RELCH: variants seen among roughly 807,000 people sequenced by gnomAD.
The protein encoded by RELCH is RAB11-binding protein RELCH.
A neutral mutation model predicts 150.3 loss-of-function variants in RELCH; 41 were observed. The observed-to-expected ratio is 0.27, with a 90% confidence interval of 0.21 to 0.35. The LOEUF is 0.35. Among genes scored for constraint, RELCH ranks in the 10% least tolerant of loss-of-function variants. RELCH has a pLI of 1.00. For missense variants in RELCH, 1,092 were observed against 1,467.8 expected (o/e 0.74, Z 4.18); for synonymous variants, 478 against 531.8 (o/e 0.90, Z 1.39).
At chr18:62,262,465 C>T (rs1462887679) in intron 16 of RELCH, among the ~76,000 whole-genome samples, 1 of 151,992 alleles carries the variant, frequency 6.6e-6, no homozygotes, top group Admixed American at 6.6e-5. Flanking sequence ...TTCATGTAAA[C>T]TGTAGGCTAC....
chr18:62,275,140 C>T (rs1443549736), intron 21 of RELCH, among the ~76,000 whole-genome samples: 1 of 152,206 alleles, frequency 6.6e-6, no homozygotes, highest in Non-Finnish European at 1.5e-5. Context: ...TGGTCTCGAT[C>T]TCTTGACCTC....
chr18:62,227,424 G>A lies in RELCH; in HGVS notation c.994G>A (p.Glu332Lys). 6.2e-7 allele frequency: 1 copy of A among 1,613,340 alleles called. No individual in the cohort carries two copies. Among genetic ancestry groups the A allele is most frequent in the South Asian group, 1.1e-5 (1 of 91,070 alleles). The change falls in exon 6 of 29, where the codon GAA (glutamate) becomes AAA (lysine). Residue 332 changes from glutamate to lysine, a missense_variant. Around this residue, in one of 4 missense-constraint regions of RELCH, gnomAD observed 57 missense variants for 41.5 expected, o/e 1.37. Coordinates refer to ENST00000644646, the MANE Select transcript of RELCH (RefSeq NM_001346231.2). ...TGTGGCCAGTGGAGTAGAAGAAGAT[G>A]AATTAGAGGCCCTTACACCAATTAT... ...VDVASGVEED[E>K]LEALTPIISN...
At chr18:62,285,966 G>A (rs1313501870) in intron 25 of RELCH, 2 of 152,160 alleles carry the variant, frequency 1.3e-5, no homozygotes, top group African/African-American at 2.4e-5. Context: ...CTGTCTTCCT[G>A]AGAATTAGGA....
In RELCH at chr18:62,283,207, G is replaced by A. The variant is rs143861569; in HGVS notation, c.3253+763G>A. ...TTCCACTTAGCATGCCATTCAGCAC[G>A]ATACATAACTTTGTTTTAATTCATA... On this transcript the variant is annotated intron_variant, in intron 25 of 28. Transcript: ENST00000644646. 7.7e-3 allele frequency among the ~76,000 whole-genome samples: 1,166 copies of A among 152,160 alleles called. 5 individuals carry two copies. Among genetic ancestry groups the A allele is most frequent in the Non-Finnish European group, 0.012 (803 of 67,996 alleles).
In RELCH at chr18:62,305,361, A is replaced by G. The variant is rs2045843631; in HGVS notation, c.3531-53A>G. 1 of 1,526,082 alleles carries G rather than the reference A, an allele frequency of 6.6e-7. No homozygotes were observed. The highest frequency in any genetic ancestry group is 8.8e-7 in the Non-Finnish European group (1 of 1,131,816). 94.5% of individuals were successfully genotyped at this position (1,526,082 alleles called of 1,614,324 possible). On this transcript the variant is annotated intron_variant, in intron 28 of 28. Coordinates refer to ENST00000644646, the MANE Select transcript of RELCH (RefSeq NM_001346231.2). This position sits in a 1 kb window ranked among gnomAD's most constrained non-coding sequence, Gnocchi z 4.0. ...TAATGATATGCTACTAAATAAATGAAAAATTTTTATTTTTTTAATTGCTTT... is the reference window on the plus strand; with the variant it reads ...TAATGATATGCTACTAAATAAATGAGAAATTTTTATTTTTTTAATTGCTTT...
rs1256636205 is a variant in RELCH, at chr18:62,296,668, C to A, written c.3460-2122C>A. Among the ~76,000 whole-genome samples the A allele has an allele frequency of 3.9e-5, 6 of 152,006 alleles. No homozygotes were observed. The East Asian group carries it at 1.2e-3, about 29-fold the overall frequency. ...TTTTGCTTTGTATGTTTCTTAGATG[C>A]CCTTTATCAGGTTGAGGAAGTTTCC... On this transcript the variant is annotated intron_variant, in intron 27 of 28. Coordinates refer to ENST00000644646, the MANE Select transcript of RELCH (RefSeq NM_001346231.2).
intron 11 of RELCH, among the ~76,000 whole-genome samples, chr18:62,249,545 T>C (rs2042591127): frequency 6.6e-6 from 1 of 152,176 alleles, no homozygotes; most frequent in African/African-American, 2.4e-5. Flanking sequence ...AAATACCATT[T>C]CCTATCTTGG....
chr18:62,266,574 C>T (rs959736562), intron 18 of RELCH, 127 bp from the exon 19 acceptor site: 1 of 554,294 alleles, frequency 1.8e-6, no homozygotes, highest in Non-Finnish European at 3.2e-6. Context: ...TTTCTGACCA[C>T]TTAACTTAGT....
chr18:62,278,062 A>G (rs932242409), intron 22 of RELCH: 1 of 153,880 alleles, frequency 6.5e-6, no homozygotes, highest in Non-Finnish European at 1.4e-5. Context: ...TGAAAAGATC[A>G]AATGATATAT....
In RELCH at chr18:62,187,408, G is replaced by A. The variant is rs2038180536; in HGVS notation, c.-98G>A. On this transcript the variant is annotated 5_prime_UTR_variant, in exon 1 of 29. Transcript: ENST00000644646. ...GGGAGGCAGGACGTGGTCAGGCCGG[G>A]GCTGTGGAGGTGCGCTGTGTCCCCT... 8.0e-7 allele frequency: 1 copy of A among 1,249,904 alleles called. No individual in the cohort carries two copies. The highest frequency in any genetic ancestry group is 1.1e-6 in the Non-Finnish European group (1 of 928,314). The allele number at this position is 1,249,904 out of a possible 1,614,324, so 77.4% of individuals were successfully genotyped here. A position where few individuals can be genotyped will look rare whatever the true frequency, so the allele number is the denominator to read the frequency against.
At chr18:62,287,325 T>A (rs2044859773) in intron 25 of RELCH, 26 bp from the exon 26 acceptor site, 1 of 1,186,490 alleles carries the variant, frequency 8.4e-7, no homozygotes, top group Non-Finnish European at 1.3e-6. Context: ...TGGGTAAAAA[T>A]TTAACCCTTT....
intron 26 of RELCH, among the ~76,000 whole-genome samples, chr18:62,288,566 C>T (rs1181859630): frequency 6.6e-6 from 1 of 152,090 alleles, no homozygotes; most frequent in African/African-American, 2.4e-5. Flanking sequence ...AAGTTGGATG[C>T]ATGGTTCAGA....
At chr18:62,259,622 A>G (rs946704641) in intron 15 of RELCH, among the ~76,000 whole-genome samples, 4 of 151,938 alleles carry the variant, frequency 2.6e-5, no homozygotes, top group Non-Finnish European at 5.9e-5. Context: ...TCTTTAAGAT[A>G]TAGAAAAAGC....
rs186317548 is a variant in RELCH at position 62,211,039 on chromosome 18, T to A, written c.527-114T>A. 2.7e-4 allele frequency: 156 copies of A among 569,190 alleles called. No individual in the cohort carries two copies. In the East Asian group the frequency reaches 4.7e-3, roughly 17 times the overall value. The allele number at this position is 569,190 out of a possible 1,614,324, so 35.3% of individuals were successfully genotyped here. On this transcript the variant is annotated intron_variant, in intron 1 of 28. Coordinates refer to ENST00000644646, the MANE Select transcript of RELCH (RefSeq NM_001346231.2). Reference sequence around the variant, plus strand: ...TCTGTTGTTGTTGTTTTAAAAGAATTCCTGGATCTTAGAATTCCAGGTTTA... The same window carrying A: ...TCTGTTGTTGTTGTTTTAAAAGAATACCTGGATCTTAGAATTCCAGGTTTA...
chr18:62,226,448 A>G (rs1430943649), intron 5 of RELCH, among the ~76,000 whole-genome samples: 1 of 152,128 alleles, frequency 6.6e-6, no homozygotes, highest in African/African-American at 2.4e-5. Context: ...TCAAACATTT[A>G]CAGCAAGAAG....
At chr18:62,292,051 A>G (rs541168217) in intron 27 of RELCH, among the ~76,000 whole-genome samples, 2 of 151,652 alleles carry the variant, frequency 1.3e-5, no homozygotes, top group Non-Finnish European at 2.9e-5. Flanking sequence ...TTTATTTTCT[A>G]TTCTGTATCT....
chr18:62,287,444 C>A lies in RELCH; in HGVS notation c.3347C>A (p.Ala1116Asp). ...GACATTGCTACGCATCTTTTTGAAG[C>A]CTACAGTGCACTTTCCTGTTGTTGT... ...RLDIATHLFE[A>D]YSALSCCFIS... is the part of the protein sequence containing the mutation. Residue 1116 changes from alanine to aspartate, a missense_variant, in exon 26 of 29, where the codon GCC becomes GAC. By Grantham distance (126) the Ala-to-Asp change is moderately radical. This residue lies in a region of RELCH where 707 missense variants were observed against 1,025.4 expected (regional missense o/e 0.69). Transcript: ENST00000644646. 2 of 1,590,852 alleles carry A rather than the reference C, an allele frequency of 1.3e-6. No individual in the cohort carries two copies. Among genetic ancestry groups the A allele is most frequent in the Non-Finnish European group, 8.6e-7 (1 of 1,160,406 alleles).
rs538928330 is a variant in RELCH at position 62,194,129 on chromosome 18, T to C, written c.526+6098T>C. 7.2e-5 allele frequency among the ~76,000 whole-genome samples: 11 copies of C among 152,164 alleles called. No individual in the cohort carries two copies. In the South Asian group the frequency reaches 2.3e-3, roughly 32 times the overall value. On this transcript the variant is annotated intron_variant, in intron 1 of 28. Transcript: ENST00000644646. ...CGTGCATGGTGGCCTATGCCTGTGGTCCCAGCTATTTGAGAGGCTGAGATA... is the reference window on the plus strand; with the variant it reads ...CGTGCATGGTGGCCTATGCCTGTGGCCCCAGCTATTTGAGAGGCTGAGATA...
chr18:62,290,845 A>C (rs1404988070), intron 26 of RELCH, among the ~76,000 whole-genome samples: 1 of 152,220 alleles, frequency 6.6e-6, no homozygotes, highest in African/African-American at 2.4e-5. Flanking sequence ...TAAAGCAAGA[A>C]ATCAGGAAAA....
Sources: allele counts gnomAD v4.1 joint callset (sites outside exome capture counted in the v4.1 genomes callset), GRCh38; gene constraint gnomAD v4.1.1; regional missense constraint gnomAD v4.1.1; non-coding constraint Gnocchi (gnomAD v3.1); transcripts MANE v1.5; gene names NCBI Gene and HGNC (gene_info 2026-07-23, HGNC 2026-07-21).